The following SH3RF3 variants were observed in gnomAD, a reference collection of about 807,000 sequenced individuals.
The protein encoded by SH3RF3 is E3 ubiquitin-protein ligase SH3RF3.
Under a neutral mutation model 66.3 loss-of-function variants are expected in SH3RF3, and 29 were observed. The ratio of observed to expected loss-of-function variants is 0.44; its 90% CI spans 0.33 to 0.60. The LOEUF is 0.60. SH3RF3 is among the 20% of genes least tolerant of loss of function. The probability of loss-of-function intolerance (pLI) is 0.04; values close to 1 mark genes in which losing one functional copy is unlikely to be tolerated. For synonymous variants in SH3RF3, 583 were observed against 532.0 expected (o/e 1.10, Z -1.32); for missense variants, 1,194 against 1,190.9 (o/e 1.00, Z -0.04).
At chr2:109,163,691 G>T (rs113502146) in intron 1 of SH3RF3, among the ~76,000 whole-genome samples, 1 of 152,122 alleles carries the variant, frequency 6.6e-6, no homozygotes, top group South Asian at 2.1e-4. Context: ...GAGCCACCGC[G>T]CCTGGCCGCA....
At chr2:109,152,318 G>A (rs998498810) in intron 1 of SH3RF3, among the ~76,000 whole-genome samples, 1 of 152,236 alleles carries the variant, frequency 6.6e-6, no homozygotes, top group Non-Finnish European at 1.5e-5. Context: ...TGTGGGGAAT[G>A]TGGGTGGGTG....
chr2:109,352,903 A>G (rs1682870413), intron 2 of SH3RF3, among the ~76,000 whole-genome samples: 1 of 152,382 alleles, frequency 6.6e-6, no homozygotes, highest in Admixed American at 6.5e-5. Context: ...TTTGATTTGC[A>G]GGCAAAGCTT....
chr2:109,270,446 C>G (rs1408540887), intron 1 of SH3RF3, among the ~76,000 whole-genome samples: 1 of 152,134 alleles, frequency 6.6e-6, no homozygotes, highest in East Asian at 1.9e-4. Flanking sequence ...GGGAAGGAAA[C>G]ATTTCTTCTT....
chr2:109,459,214 A>G (rs35025847), intron 8 of SH3RF3, among the ~76,000 whole-genome samples: 1 of 152,186 alleles, frequency 6.6e-6, no homozygotes, highest in Non-Finnish European at 1.5e-5. Flanking sequence ...AGAGAAGAAA[A>G]CAAAGGTACT....
intron 3 of SH3RF3, among the ~76,000 whole-genome samples, chr2:109,394,810 G>A (rs1676095563): frequency 6.6e-6 from 1 of 152,230 alleles, no homozygotes; most frequent in African/African-American, 2.4e-5. Context: ...GGAGGGCAGA[G>A]CCACCTGGCT....
intron 8 of SH3RF3, among the ~76,000 whole-genome samples, chr2:109,473,352 G>A (rs1678577519): frequency 6.6e-6 from 1 of 152,212 alleles, no homozygotes; most frequent in Non-Finnish European, 1.5e-5. Flanking sequence ...CCAAGCACAA[G>A]TTGACATCGT....
rs1426481167 is a variant in SH3RF3 at position 109,133,225 on chromosome 2, C to A, written c.573+3112C>A. 2.0e-5 allele frequency among the ~76,000 whole-genome samples: 3 copies of A among 152,196 alleles called. No individual in the cohort carries two copies. In the South Asian group the frequency reaches 6.2e-4, roughly 32 times the overall value. On this transcript the variant is annotated intron_variant, in intron 1 of 9. Transcript: ENST00000309415. ...ATTAAAGAATTCTAGAAAGCTTAGGCAGTGCCTTTGATGATATAAAAGTCG... is the reference window on the plus strand; with the variant it reads ...ATTAAAGAATTCTAGAAAGCTTAGGAAGTGCCTTTGATGATATAAAAGTCG...
chr2:109,153,470 G>C lies in SH3RF3; in HGVS notation c.573+23357G>C, dbSNP rs534156247. Among the ~76,000 whole-genome samples the C allele has an allele frequency of 1.6e-3, 246 of 152,314 alleles. 2 individuals are homozygous for C. Among genetic ancestry groups the C allele is most frequent in the African/African-American group, 5.8e-3 (241 of 41,580 alleles). ...AAGTAACGAAGGTATGAAAGGACAT[G>C]AAATAACTGAAACTTGCCAGGAGAA... On this transcript the variant is annotated intron_variant, in intron 1 of 9. Transcript: ENST00000309415.
At chr2:109,487,509 C>G (rs1186058609) in intron 8 of SH3RF3, among the ~76,000 whole-genome samples, 1 of 152,230 alleles carries the variant, frequency 6.6e-6, no homozygotes, top group African/African-American at 2.4e-5. Flanking sequence ...GCCATGACAT[C>G]AGCGTTTTTC....
At chr2:109,380,565 G>A (rs1683488766) in intron 3 of SH3RF3, among the ~76,000 whole-genome samples, 1 of 152,228 alleles carries the variant, frequency 6.6e-6, no homozygotes, top group South Asian at 2.1e-4. Context: ...GTAAGTTTTT[G>A]TGAAGCCCCT....
At chr2:109,328,722 G>A (rs1309644584) in intron 1 of SH3RF3, among the ~76,000 whole-genome samples, 1 of 152,152 alleles carries the variant, frequency 6.6e-6, no homozygotes, top group Non-Finnish European at 1.5e-5. Context: ...TGTGTCCTGT[G>A]ATCTGTCAGT....
At chr2:109,399,359 G>A (rs1223581130) in intron 4 of SH3RF3, among the ~76,000 whole-genome samples, 2 of 152,134 alleles carry the variant, frequency 1.3e-5, no homozygotes, top group Admixed American at 6.5e-5. Context: ...AGGAGTCAGA[G>A]CTCAGAATCA....
At chr2:109,285,457 C>A (rs1306841350) in intron 1 of SH3RF3, among the ~76,000 whole-genome samples, 2 of 152,172 alleles carry the variant, frequency 1.3e-5, no homozygotes, top group Non-Finnish European at 2.9e-5. Context: ...CTGTGCCGTG[C>A]GTTTTTGTTA....
intron 2 of SH3RF3, among the ~76,000 whole-genome samples, chr2:109,355,614 T>C: frequency 6.6e-6 from 1 of 152,222 alleles, no homozygotes; most frequent in East Asian, 1.9e-4. Context: ...ACAGGTGTTG[T>C]CCCTGTATGC....
At chr2:109,425,039 C>T (rs6752962) in intron 5 of SH3RF3, among the ~76,000 whole-genome samples, 2,302 of 152,264 alleles carry the variant, frequency 0.015, 62 homozygotes, top group African/African-American at 0.053. Context: ...AGGGAACACA[C>T]GAATTATAAG....
At chr2:109,439,232 A>G (rs1573253018) in intron 7 of SH3RF3, among the ~76,000 whole-genome samples, 1 of 152,104 alleles carries the variant, frequency 6.6e-6, no homozygotes, top group Non-Finnish European at 1.5e-5. Context: ...ATTCTCTTCC[A>G]TCAGTTTAAT....
At chr2:109,155,502 G>A (rs888564764) in intron 1 of SH3RF3, among the ~76,000 whole-genome samples, 1 of 151,944 alleles carries the variant, frequency 6.6e-6, no homozygotes, top group Admixed American at 6.6e-5. Context: ...GGGGTTTCAC[G>A]GTGTTAGCCA....
At chr2:109,420,437 TTTTTGTTTTG>T (rs575012729) in intron 5 of SH3RF3, among the ~76,000 whole-genome samples, 1 of 152,022 alleles carries the variant, frequency 6.6e-6, no homozygotes, top group East Asian at 1.9e-4. Context: ...GTTGTTGTTG[TTTTTGTTTTG>T]TTTTGTTTTG....
chr2:109,441,101 A>G (rs1410033944), intron 7 of SH3RF3, among the ~76,000 whole-genome samples: 2 of 149,638 alleles, frequency 1.3e-5, no homozygotes, highest in Non-Finnish European at 3.0e-5. Context: ...TCTTTGTCCC[A>G]GAACAAAGCT....
Sources: gnomAD v4.1 joint callset for allele counts (sites outside exome capture counted in the v4.1 genomes callset) on GRCh38, gnomAD v4.1.1 for gene constraint, MANE v1.5 for transcripts, NCBI Gene and HGNC (gene_info 2026-07-23, HGNC 2026-07-21) for gene names.